WDFY3: variants seen among roughly 807,000 people sequenced by gnomAD.
WDFY3 encodes WD repeat and FYVE domain containing 3, also known as WD repeat and FYVE domain-containing protein 3.
WDFY3 carries 66 observed loss-of-function variants against 409.6 expected under a neutral mutation model. That is an observed-to-expected ratio of 0.16 (90% CI 0.13 to 0.20). WDFY3 has a LOEUF of 0.20. WDFY3 is among the 10% of genes least tolerant of loss of function. The pLI is 1.00. For synonymous variants in WDFY3, 1,521 were observed against 1,537.1 expected (o/e 0.99, Z 0.25); for missense variants, 3,031 against 4,298.1 (o/e 0.71, Z 8.24).
intron 4 of WDFY3, among the ~76,000 whole-genome samples, chr4:84,859,658 C>A (rs539150337): frequency 1.3e-5 from 2 of 152,338 alleles, no homozygotes; most frequent in East Asian, 1.9e-4. Context: ...TCACTGCAAC[C>A]TTCGCCTCTC....
At position 84,966,572 on chromosome 4, in the gene WDFY3, G is replaced by A. The variant is rs1775791317; in HGVS notation, c.-589C>T. Among the ~76,000 whole-genome samples, 1 of 151,956 alleles carries A rather than the reference G, an allele frequency of 6.6e-6. No individual in the cohort carries two copies. Among genetic ancestry groups the A allele is most frequent in the African/African-American group, 2.4e-5 (1 of 41,408 alleles). The stretch of plus-strand genomic sequence containing the variant: ...CGGGTTTCTTCTCTCCATCAAGGCC[G>A]GGCCGACCCGCAGGGACCATCCCGG... On this transcript the variant is annotated 5_prime_UTR_variant, in exon 1 of 68. Transcript: ENST00000295888.
intron 3 of WDFY3, among the ~76,000 whole-genome samples, chr4:84,877,200 C>T (rs914236320): frequency 6.6e-6 from 1 of 152,226 alleles, no homozygotes; most frequent in Admixed American, 6.5e-5. Flanking sequence ...CACCCGTCTA[C>T]TGCAGGCCTC....
At chr4:84,766,525 A>C (rs1291414856) in intron 30 of WDFY3, among the ~76,000 whole-genome samples, 153 bp from the exon 31 acceptor site, 1 of 152,234 alleles carries the variant, frequency 6.6e-6, no homozygotes, top group Non-Finnish European at 1.5e-5. Flanking sequence ...AAAAAGGGTC[A>C]GTTAAATATT....
intron 3 of WDFY3, among the ~76,000 whole-genome samples, chr4:84,882,789 C>T (rs1044796896): frequency 6.6e-6 from 1 of 151,668 alleles, no homozygotes; most frequent in Non-Finnish European, 1.5e-5. Context: ...TCAGAGCTCA[C>T]TGAAGCCTCG....
chr4:84,878,489 T>A (rs1182983505), intron 3 of WDFY3, among the ~76,000 whole-genome samples: 2 of 152,206 alleles, frequency 1.3e-5, no homozygotes, highest in Non-Finnish European at 2.9e-5. Flanking sequence ...GTTGGCTTCT[T>A]CACAGATTAA....
chr4:84,755,872 T>C (rs896720035), intron 33 of WDFY3, among the ~76,000 whole-genome samples: 1 of 152,238 alleles, frequency 6.6e-6, no homozygotes, highest in Admixed American at 6.5e-5. Context: ...ATATAAACTT[T>C]ATGACTATGG....
rs74287827 is a variant in WDFY3 at position 84,777,852 on chromosome 4, C to A, written c.4518+651G>T. Among the ~76,000 whole-genome samples, 188 of 152,156 alleles carry A rather than the reference C, an allele frequency of 1.2e-3. 3 individuals carry two copies. The East Asian group carries it at 0.034, about 28-fold the overall frequency. The stretch of plus-strand genomic sequence containing the variant: ...CATAAATTTAGTACATAATAACTAA[C>A]ATGCAAAGTGCTGTAAACAAGAAAT... On this transcript the variant is annotated intron_variant, in intron 27 of 67. Transcript: ENST00000295888.
intron 2 of WDFY3, among the ~76,000 whole-genome samples, chr4:84,929,988 A>G (rs1280707048): frequency 6.6e-6 from 1 of 151,958 alleles, no homozygotes; most frequent in Admixed American, 6.6e-5. Context: ...AAAGATGGCC[A>G]CCTAAAAGCC....
rs116574923 is a variant in WDFY3 at position 84,948,536 on chromosome 4, G to A, written c.-225-16173C>T. Among the ~76,000 whole-genome samples, 313 of 152,164 alleles carry A rather than the reference G, an allele frequency of 2.1e-3. 1 individual carries two copies. Among genetic ancestry groups the A allele is most frequent in the African/African-American group, 6.8e-3 (284 of 41,518 alleles). On this transcript the variant is annotated intron_variant, in intron 1 of 67. Transcript: ENST00000295888. ...CACTTAAATCCTAGATCACCAATAC[G>A]GACTTGTGATAGAAGATGTTTTTGC...
At chr4:84,695,509 TAG>T (rs869147060) in intron 58 of WDFY3, among the ~76,000 whole-genome samples, 22,831 of 107,192 alleles carry the variant, frequency 0.21, 1,745 homozygotes, top group East Asian at 0.32. Flanking sequence ...CAGAGAGAGA[TAG>T]AGAGAGAGAG....
intron 2 of WDFY3, among the ~76,000 whole-genome samples, chr4:84,907,361 T>C (rs1047080704): frequency 1.3e-5 from 2 of 152,160 alleles, no homozygotes; most frequent in Admixed American, 6.5e-5. Context: ...CTCAGATTAC[T>C]TGCCCTGAAG....
rs1740527945 is a variant in WDFY3, at chr4:84,751,588, G to C, written c.5868C>G (p.His1956Gln). Reference sequence around the variant, plus strand: ...AGTCAAAAACGAACTTTTTAGCCGGGTGATTGGTCAGATATGTCTTGGTGC... The same window carrying C: ...AGTCAAAAACGAACTTTTTAGCCGGCTGATTGGTCAGATATGTCTTGGTGC... ...NVGTKTYLTN[H>Q]PAKKFVFDFM... Residue 1956 changes from histidine to glutamine, a missense_variant, in exon 36 of 68, where the codon CAC becomes CAG. Coordinates refer to ENST00000295888, the MANE Select transcript of WDFY3 (RefSeq NM_014991.6). 1.2e-6 allele frequency: 2 copies of C among 1,614,174 alleles called. No homozygotes were observed. Among genetic ancestry groups the C allele is most frequent in the Non-Finnish European group, 1.7e-6 (2 of 1,180,036 alleles).
intron 56 of WDFY3, among the ~76,000 whole-genome samples, chr4:84,698,972 G>A (rs1313244349): frequency 6.6e-6 from 1 of 152,032 alleles, no homozygotes; most frequent in Non-Finnish European, 1.5e-5. Context: ...ACAGGCGTGA[G>A]CCACTGCGAC....
chr4:84,818,235 T>C (rs1273928591), intron 12 of WDFY3, among the ~76,000 whole-genome samples: 1 of 152,152 alleles, frequency 6.6e-6, no homozygotes, highest in Non-Finnish European at 1.5e-5. Context: ...CCCAGCTCTG[T>C]AAGCCTGTGC....
At chr4:84,903,076 ATTAT>A (rs1176826474) in intron 2 of WDFY3, among the ~76,000 whole-genome samples, 3 of 152,174 alleles carry the variant, frequency 2.0e-5, no homozygotes, top group Admixed American at 1.3e-4. Context: ...TTTAGAAAAA[ATTAT>A]TTCTATTAAG....
At chr4:84,799,462 C>A (rs1011207281) in intron 17 of WDFY3, among the ~76,000 whole-genome samples, 8 of 152,002 alleles carry the variant, frequency 5.3e-5, no homozygotes, top group African/African-American at 1.9e-4. Flanking sequence ...ATGAGCCACA[C>A]TGCCTGGCCT....
At chr4:84,695,499 CAGAGAGAGATAGAGAG>C (rs1729955268) in intron 58 of WDFY3, among the ~76,000 whole-genome samples, 1 of 73,072 alleles carries the variant, frequency 1.4e-5, no homozygotes, top group Non-Finnish European at 3.1e-5. Flanking sequence ...CACACAGAGA[CAGAGAGAGATAGAGAG>C]AGAGAGAGAG....
intron 51 of WDFY3, among the ~76,000 whole-genome samples, chr4:84,712,595 C>T (rs964164614): frequency 6.6e-6 from 1 of 151,682 alleles, no homozygotes; most frequent in Non-Finnish European, 1.5e-5. Flanking sequence ...GTGGCAGGCA[C>T]CTATTATCCC....
intron 3 of WDFY3, among the ~76,000 whole-genome samples, chr4:84,863,866 T>C (rs958101049): frequency 6.6e-5 from 10 of 152,222 alleles, no homozygotes; most frequent in Non-Finnish European, 1.5e-4. Flanking sequence ...CATGGATTTA[T>C]TTCTGGTGTC....
Sources: allele counts gnomAD v4.1 joint callset (sites outside exome capture counted in the v4.1 genomes callset), GRCh38; gene constraint gnomAD v4.1.1; transcripts MANE v1.5; gene names NCBI Gene and HGNC (gene_info 2026-07-23, HGNC 2026-07-21).